The following PARN variants were observed in gnomAD, a reference collection of about 807,000 sequenced individuals.
PARN encodes the protein poly(A)-specific ribonuclease PARN.
In PARN, 71 loss-of-function variants were observed where a neutral mutation model predicts 102.8. That is an observed-to-expected ratio of 0.69 (90% CI 0.57 to 0.84). The LOEUF is 0.84. PARN is among the 40% of genes least tolerant of loss of function. The pLI is 0.00. For synonymous variants in PARN, 261 were observed against 252.9 expected, an observed-to-expected ratio of 1.03 and a Z score of -0.30; for missense variants, 782 against 760.9, an observed-to-expected ratio of 1.03 and a Z score of -0.33.
chr16:14,482,523 T>C (rs548507939), intron 22 of PARN, 115 bp downstream of exon 22: 67 of 761,088 alleles, frequency 8.8e-5, no homozygotes, highest in Non-Finnish European at 1.1e-4. Flanking sequence ...ATGTGAAAAG[T>C]TGAAAGGCCA....
At chr16:14,458,851 G>C (rs1267202980) in intron 22 of PARN, among the ~76,000 whole-genome samples, 2 of 152,144 alleles carry the variant, frequency 1.3e-5, no homozygotes, top group African/African-American at 4.8e-5. Flanking sequence ...ATCTCCGCAG[G>C]CTCAGCGGCA....
At chr16:14,492,628 G>A (rs1964118665) in intron 21 of PARN, among the ~76,000 whole-genome samples, 1 of 152,134 alleles carries the variant, frequency 6.6e-6, no homozygotes, top group Non-Finnish European at 1.5e-5. Flanking sequence ...AATTAAATAT[G>A]GACAGGCATG....
chr16:14,527,944 C>T (rs1421671536), intron 21 of PARN, among the ~76,000 whole-genome samples: 2 of 152,182 alleles, frequency 1.3e-5, no homozygotes, highest in African/African-American at 2.4e-5. Context: ...GCTGGAAGCA[C>T]ATGTTGGGCA....
intron 21 of PARN, among the ~76,000 whole-genome samples, chr16:14,506,429 C>A (rs1964898328): frequency 6.6e-6 from 1 of 152,106 alleles, no homozygotes; most frequent in African/African-American, 2.4e-5. Context: ...AAAATCATAT[C>A]AGTGTTAAAT....
chr16:14,584,860 G>A, intron 14 of PARN, 69 bp from the exon 15 acceptor site: 1 of 815,168 alleles, frequency 1.2e-6, no homozygotes, highest in Non-Finnish European at 2.0e-6. Flanking sequence ...ACTCAAATAT[G>A]TAAGCTACTT....
intron 23 of PARN, among the ~76,000 whole-genome samples, chr16:14,444,519 C>A (rs564537486): frequency 6.6e-6 from 1 of 152,048 alleles, no homozygotes; most frequent in Admixed American, 6.5e-5. Flanking sequence ...TTAATGCAGT[C>A]TATTATTAGT....
chr16:14,576,845 A>T (rs1360276016), intron 18 of PARN, among the ~76,000 whole-genome samples: 2 of 152,150 alleles, frequency 1.3e-5, no homozygotes, highest in Admixed American at 1.3e-4. Context: ...ACCATGCAAA[A>T]CCCTTATGGG....
At chr16:14,542,735 G>A (rs768101498) in intron 21 of PARN, among the ~76,000 whole-genome samples, 4 of 152,080 alleles carry the variant, frequency 2.6e-5, no homozygotes, top group Admixed American at 6.6e-5. Flanking sequence ...TGATGTCAGA[G>A]GAAAGAGTCA....
intron 21 of PARN, among the ~76,000 whole-genome samples, chr16:14,485,456 CT>C (rs1365176822): frequency 6.6e-6 from 1 of 152,176 alleles, no homozygotes; most frequent in African/African-American, 2.4e-5. Context: ...TCTCCACCCT[CT>C]CTTAAAGGTC....
intron 22 of PARN, among the ~76,000 whole-genome samples, chr16:14,457,749 T>C (rs1287407895): frequency 8.2e-6 from 1 of 121,898 alleles, no homozygotes; most frequent in South Asian, 2.6e-4. Context: ...AGTGAGCCAA[T>C]ATCGCACCAT....
At position 14,606,556 on chromosome 16, in the gene PARN, G is replaced by C. The variant is rs376678009; in HGVS notation, c.660-30C>G. The C allele has an allele frequency of 6.4e-5, 85 of 1,337,394 alleles. 1 individual carries two copies. Among genetic ancestry groups the C allele is most frequent in the Non-Finnish European group, 8.3e-5 (79 of 950,010 alleles). The allele number at this position is 1,337,394 out of a possible 1,614,324, so 82.8% of individuals were successfully genotyped here. A position where few individuals can be genotyped will look rare whatever the true frequency, so the allele number is the denominator to read the frequency against. On this transcript the variant is annotated intron_variant, in intron 9 of 23. Transcript: ENST00000437198. ...AGAAAAGAAAAACATAGTATCAGTA[G>C]ATGAGTCAATGACAGCTAAATCCCA...
At chr16:14,496,732 T>C (rs1964336725) in intron 21 of PARN, among the ~76,000 whole-genome samples, 1 of 152,148 alleles carries the variant, frequency 6.6e-6, no homozygotes, top group Non-Finnish European at 1.5e-5. Flanking sequence ...TAGTTAATAC[T>C]ATATCTTTAA....
chr16:14,611,867 T>G (rs1000829821), intron 6 of PARN, among the ~76,000 whole-genome samples: 1 of 152,128 alleles, frequency 6.6e-6, no homozygotes, highest in South Asian at 2.1e-4. Context: ...AAGGGCTCGA[T>G]GGCAAATGTT....
chr16:14,468,484 G>C (rs1962504234), intron 22 of PARN, among the ~76,000 whole-genome samples: 1 of 152,122 alleles, frequency 6.6e-6, no homozygotes, highest in Non-Finnish European at 1.5e-5. Context: ...GAGCAGTAAG[G>C]AGGCACAAGG....
In PARN at chr16:14,577,459, G is replaced by A. The variant is rs1040681544; in HGVS notation, c.1262+3415C>T. On this transcript the variant is annotated intron_variant, in intron 18 of 23. Coordinates refer to ENST00000437198, the MANE Select transcript of PARN (RefSeq NM_002582.4). ...AGTGATCCTCCTGCCTCAGCCTCCC[G>A]AGTAGCTGGGACTACAGGTGTCTGC... Among the ~76,000 whole-genome samples the A allele has an allele frequency of 1.2e-4, 18 of 146,966 alleles. No individual in the cohort carries two copies. In the East Asian group the frequency reaches 2.1e-3, roughly 17 times the overall value.
chr16:14,497,271 T>C (rs1964365429), intron 21 of PARN, among the ~76,000 whole-genome samples: 2 of 152,136 alleles, frequency 1.3e-5, no homozygotes. Flanking sequence ...ACACCCACCA[T>C]TCAAAACAGC....
rs575158231 is a variant in PARN, at chr16:14,435,842, T to G, written c.*875A>C. 8.6e-5 allele frequency: 13 copies of G among 152,012 alleles called. No homozygotes were observed. The highest frequency in any genetic ancestry group is 8.5e-4 in the Admixed American group (13 of 15,230). The allele number at this position is 152,012 out of a possible 1,614,324, so 9.4% of individuals were successfully genotyped here. A position where few individuals can be genotyped will look rare whatever the true frequency, so the allele number is the denominator to read the frequency against. The stretch of plus-strand genomic sequence containing the variant: ...CAGCGCCATGAGCGTTTGTCGTTGC[T>G]GTGATCTGTTTCAACGGAGAATGGG... On this transcript the variant is annotated 3_prime_UTR_variant, in exon 24 of 24. Transcript: ENST00000437198.
At chr16:14,515,947 ATAAG>A (rs1965435986) in intron 21 of PARN, among the ~76,000 whole-genome samples, 1 of 152,222 alleles carries the variant, frequency 6.6e-6, no homozygotes, top group Non-Finnish European at 1.5e-5. Flanking sequence ...CTAAAAATAA[ATAAG>A]TAAATTGATA....
At chr16:14,622,012 G>C (rs766374950) in intron 5 of PARN, among the ~76,000 whole-genome samples, 1 of 151,874 alleles carries the variant, frequency 6.6e-6, no homozygotes, top group Non-Finnish European at 1.5e-5. Context: ...GGCCAACATG[G>C]TGAAACTCTG....
Sources: gnomAD v4.1 joint callset for allele counts (sites outside exome capture counted in the v4.1 genomes callset) on GRCh38, gnomAD v4.1.1 for gene constraint, MANE v1.5 for transcripts, NCBI Gene and HGNC (gene_info 2026-07-23, HGNC 2026-07-21) for gene names.